KDR: variants seen among roughly 807,000 people sequenced by gnomAD.
The protein encoded by KDR is vascular endothelial growth factor receptor 2.
KDR carries 43 observed loss-of-function variants against 160.9 expected under a neutral mutation model. That is an observed-to-expected ratio of 0.27 (90% CI 0.21 to 0.34). The LOEUF (loss-of-function observed/expected upper bound fraction) is 0.34, where lower values mean the gene tolerates loss of function less well. Ranked by LOEUF, KDR falls within the 10% of genes least tolerant of loss-of-function variation. KDR has a pLI of 1.00. For synonymous variants in KDR, 617 were observed against 600.1 expected (o/e 1.03, Z -0.41); for missense variants, 1,469 against 1,666.4 (o/e 0.88, Z 2.06).
At chr4:55,110,344 T>C (rs966848045) in intron 9 of KDR, 59 bp downstream of exon 9, 18 of 1,564,954 alleles carry the variant, frequency 1.2e-5, no homozygotes, top group Admixed American at 3.3e-5. Context: ...GTTTGGCTGA[T>C]TTGGAAGACA....
rs536111578 is a variant in KDR, at chr4:55,116,848, G to A, written c.359-1437C>T. Among the ~76,000 whole-genome samples, 3 of 152,198 alleles carry A rather than the reference G, an allele frequency of 2.0e-5. No individual in the cohort carries two copies. In the South Asian group the frequency reaches 6.2e-4, roughly 32 times the overall value. ...TAGGGAAGTAAGGTGGCGACCAGAG[G>A]GGACATTAAACACCTATCCATAGAG... On this transcript the variant is annotated intron_variant, in intron 3 of 29. Coordinates refer to ENST00000263923, the MANE Select transcript of KDR (RefSeq NM_002253.4).
rs759473733 is a variant in KDR, at chr4:55,094,905, A to C, written c.2868T>G (p.Pro956=). The part of the protein sequence containing the change: ...RQGKDYVGAI[P]VDLKRRLDSI... The stretch of plus-strand genomic sequence containing the variant: ...TGTCCAAGCGCCGTTTCAGATCCAC[A>C]GGGATTGCTCCAACGTAGTCTTTCC... Residue 956 remains proline (P), a synonymous_variant, in exon 21 of 30, where the codon CCT becomes CCG. Coordinates refer to ENST00000263923, the MANE Select transcript of KDR (RefSeq NM_002253.4). 1.2e-5 allele frequency: 20 copies of C among 1,613,858 alleles called. No homozygotes were observed. In the East Asian group the frequency reaches 2.0e-4, roughly 16 times the overall value.
intron 9 of KDR, among the ~76,000 whole-genome samples, chr4:55,108,274 A>G (rs1282466273): frequency 2.0e-5 from 3 of 152,138 alleles, no homozygotes; most frequent in African/African-American, 7.2e-5. Context: ...TAAACTAACA[A>G]GCTGAATGAC....
Position 55,080,060 on chromosome 4 carries a change from C to T in KDR, c.3952G>A (p.Val1318Met), listed in dbSNP as rs770504400. 3 of 1,614,164 alleles carry T rather than the reference C, an allele frequency of 1.9e-6. No individual in the cohort carries two copies. Among genetic ancestry groups the T allele is most frequent in the Non-Finnish European group, 1.7e-6 (2 of 1,180,014 alleles). The change falls in exon 30 of 30, where the codon GTG (valine) becomes ATG (methionine). Residue 1318 changes from valine to methionine, a missense_variant. Val to Met is a conservative substitution (Grantham distance 21). Transcript: ENST00000263923. ...AGTTCTGCTTCCTCACTGGAGTACA[C>T]GGTGGTGTCTGTGTCATCGGAGTGA... ...GYHSDDTDTT[V>M]YSSEEAELLK... is the part of the protein sequence containing the mutation.
chr4:55,087,812 T>C, intron 26 of KDR, 54 bp from the exon 27 acceptor site: 1 of 1,581,252 alleles, frequency 6.3e-7, no homozygotes. Flanking sequence ...TTCAAGTGCC[T>C]TTTCATTAAA....
Position 55,125,179 on chromosome 4 carries a change from G to A in KDR, c.67+48C>T, listed in dbSNP as rs188892767. ...TAGATCTGGCTTTCAGGTCCTCTCC[G>A]CCCTCACCCGACCTGTCTGCCTTCC... On this transcript the variant is annotated intron_variant, in intron 1 of 29. Transcript: ENST00000263923. The A allele has an allele frequency of 1.0e-3, 1,576 of 1,551,896 alleles. 14 individuals are homozygous for A. The highest frequency in any genetic ancestry group is 3.5e-4 in the Non-Finnish European group (398 of 1,132,198).
chr4:55,096,073 G>C (rs1355111733), intron 19 of KDR, among the ~76,000 whole-genome samples, 156 bp downstream of exon 19: 1 of 152,154 alleles, frequency 6.6e-6, no homozygotes, highest in East Asian at 1.9e-4. Context: ...TAATTCTAGT[G>C]CCAATTAAAC....
chr4:55,095,288 C>T (rs532102537), intron 20 of KDR, among the ~76,000 whole-genome samples: 1 of 152,130 alleles, frequency 6.6e-6, no homozygotes, highest in Non-Finnish European at 1.5e-5. Flanking sequence ...AGGGGAGAGA[C>T]AGAATAACCC....
chr4:55,096,628 G>A (rs1578131366), intron 18 of KDR: 2 of 443,832 alleles, frequency 4.5e-6, no homozygotes, highest in East Asian at 8.7e-5. Flanking sequence ...ATCATGCCCA[G>A]ATTCTCTTCT....
rs1311011150 is a variant in KDR at position 55,125,325 on chromosome 4, A to T, written c.-32T>A. Reference sequence around the variant, plus strand: ...CCTCGAGCCGGGCGAAATGCCCAGAACTCGGGAGCCGGTTCTTTCTCCCAG... The same window carrying T: ...CCTCGAGCCGGGCGAAATGCCCAGATCTCGGGAGCCGGTTCTTTCTCCCAG... On this transcript the variant is annotated 5_prime_UTR_variant, in exon 1 of 30. Coordinates refer to ENST00000263923, the MANE Select transcript of KDR (RefSeq NM_002253.4). 1 of 1,595,652 alleles carries T rather than the reference A, an allele frequency of 6.3e-7. No homozygotes were observed. The highest frequency in any genetic ancestry group is 2.3e-5 in the East Asian group (1 of 44,252).
rs185368292 is a variant in KDR, at chr4:55,082,604, G to A, written c.3694C>T (p.Arg1232Trp). Residue 1232 changes from arginine to tryptophan, a missense_variant, in exon 28 of 30, where the codon CGG (arginine) becomes TGG (tryptophan). Transcript: ENST00000263923. Reference sequence around the variant, plus strand: ...TCAAATGTTTTTACACTCACAGGCCGGCTCTTTCGCTTACTGTTCTGCAGA... The same window carrying A: ...TCAAATGTTTTTACACTCACAGGCCAGCTCTTTCGCTTACTGTTCTGCAGA... ...QYLQNSKRKS[R>W]PVSVKTFEDI... 23 of 1,613,754 alleles carry A rather than the reference G, an allele frequency of 1.4e-5. No homozygotes were observed. The highest frequency in any genetic ancestry group is 6.7e-5 in the East Asian group (3 of 44,874).
chr4:55,110,996 C>T (rs1235978578), intron 7 of KDR, among the ~76,000 whole-genome samples: 1 of 152,158 alleles, frequency 6.6e-6, no homozygotes, highest in Non-Finnish European at 1.5e-5. Context: ...CTAGTGCACT[C>T]CCACAAGCCT....
chr4:55,089,007 CTCTT>C, intron 25 of KDR, 34 bp from the exon 26 acceptor site: 1 of 1,435,078 alleles, frequency 7.0e-7, no homozygotes. Context: ...CATTAAATGC[CTCTT>C]TCTTCCTGAA....
chr4:55,111,608 C>G (rs948251272), intron 7 of KDR, among the ~76,000 whole-genome samples: 25 of 152,162 alleles, frequency 1.6e-4, no homozygotes, highest in Admixed American at 1.5e-3. Context: ...TTATTTCTGC[C>G]CCTATTTCCC....
chr4:55,112,523 ATTTTT>A (rs72203928), intron 7 of KDR, among the ~76,000 whole-genome samples: 24 of 117,138 alleles, frequency 2.0e-4, no homozygotes, highest in African/African-American at 6.1e-4. Context: ...TTATACCTTG[ATTTTT>A]TTTTTTTTTT....
At chr4:55,112,787 C>T (rs1720626906) in intron 7 of KDR, among the ~76,000 whole-genome samples, 1 of 152,112 alleles carries the variant, frequency 6.6e-6, no homozygotes, top group South Asian at 2.1e-4. Flanking sequence ...ACCTCAGACT[C>T]CCAAAGTGTT....
chr4:55,094,147 T>C (rs1042736168), intron 21 of KDR, among the ~76,000 whole-genome samples: 6 of 152,030 alleles, frequency 3.9e-5, no homozygotes, highest in Non-Finnish European at 7.4e-5. Flanking sequence ...AGGCGAAGGT[T>C]TCAGTGAGCC....
intron 9 of KDR, among the ~76,000 whole-genome samples, chr4:55,108,467 CACA>C (rs918378557): frequency 1.1e-4 from 16 of 152,108 alleles, no homozygotes; most frequent in African/African-American, 3.6e-4. Flanking sequence ...ACTTAATCCT[CACA>C]ACCACTATTA....
Position 55,098,689 on chromosome 4 carries a change from T to C in KDR, c.2373+8A>G. ...TGTGCATGGGCAGAAGGGAAATTAT[T>C]TTTTTACCCGCTTAACGGTCCGTAG... On this transcript the variant is annotated splice_region_variant and intron_variant, in intron 16 of 29. Transcript: ENST00000263923. The C allele has an allele frequency of 6.2e-7, 1 of 1,604,466 alleles. No homozygotes were observed. Among genetic ancestry groups the C allele is most frequent in the Non-Finnish European group, 8.5e-7 (1 of 1,171,414 alleles).
Sources: gnomAD v4.1 joint callset for allele counts (sites outside exome capture counted in the v4.1 genomes callset) on GRCh38, gnomAD v4.1.1 for gene constraint, MANE v1.5 for transcripts, NCBI Gene and HGNC (gene_info 2026-07-23, HGNC 2026-07-21) for gene names.